Variants in AMPH observed in about 807,000 individuals in gnomAD.
AMPH encodes amphiphysin, also known as amphiphysin (Stiff-Mann syndrome with breast cancer 128kD autoantigen).
AMPH carries 49 observed loss-of-function variants against 99.1 expected under a neutral mutation model. The observed-to-expected ratio is 0.49, with a 90% CI of 0.39 to 0.63. The LOEUF is 0.63. Ranked by LOEUF, AMPH falls within the 20% of genes least tolerant of loss-of-function variation. The probability of loss-of-function intolerance (pLI) is 0.00; values close to 1 mark genes in which losing one functional copy is unlikely to be tolerated. For missense variants in AMPH, 759 were observed against 863.4 expected, an observed-to-expected ratio of 0.88 and a Z score of 1.52; for synonymous variants, 314 against 317.3, an observed-to-expected ratio of 0.99 and a Z score of 0.11.
intron 2 of AMPH, among the ~76,000 whole-genome samples, chr7:38,506,895 A>G (rs111661006): frequency 3.3e-5 from 5 of 152,318 alleles, no homozygotes; most frequent in African/African-American, 1.2e-4. Flanking sequence ...CCTTCCATGG[A>G]AATGTGTGAG....
rs556949775 is a variant in AMPH, at chr7:38,612,183, T to C, written c.69+19100A>G. Among the ~76,000 whole-genome samples, 3 of 148,606 alleles carry C rather than the reference T, an allele frequency of 2.0e-5. No individual in the cohort carries two copies. The East Asian group carries it at 5.9e-4, about 29-fold the overall frequency. On this transcript the variant is annotated intron_variant, in intron 1 of 20. Coordinates refer to ENST00000356264, the MANE Select transcript of AMPH (RefSeq NM_001635.4). ...CCTCCACCTCCCAGGTTCAAGTGAT[T>C]CTCCTGCCTCAGCCTCCCAAGTAGC...
Position 38,605,913 on chromosome 7 carries a change from G to A in AMPH, c.69+25370C>T, listed in dbSNP as rs147493593. Among the ~76,000 whole-genome samples the A allele has an allele frequency of 2.8e-3, 425 of 152,204 alleles. 2 individuals are homozygous for A. Among genetic ancestry groups the A allele is most frequent in the African/African-American group, 9.7e-3 (401 of 41,544 alleles). On this transcript the variant is annotated intron_variant, in intron 1 of 20. Transcript: ENST00000356264. ...TTTTGAGTGCTAGAAGTCTAAACTCGTAGGAAAGAAAGCCCCTCAGTGCGA... is the reference window on the plus strand; with the variant it reads ...TTTTGAGTGCTAGAAGTCTAAACTCATAGGAAAGAAAGCCCCTCAGTGCGA...
intron 17 of AMPH, among the ~76,000 whole-genome samples, chr7:38,404,496 G>A (rs555439064): frequency 1.3e-5 from 2 of 152,206 alleles, no homozygotes; most frequent in African/African-American, 4.8e-5. Flanking sequence ...GTTTGAGAAA[G>A]CCACCACACA....
intron 2 of AMPH, among the ~76,000 whole-genome samples, chr7:38,519,154 A>G (rs150439059): frequency 1.8e-3 from 268 of 152,348 alleles, no homozygotes; most frequent in African/African-American, 5.8e-3. Flanking sequence ...TGCTGGCACC[A>G]CATCCTTGGA....
chr7:38,427,420 C>T (rs192793988), intron 14 of AMPH, among the ~76,000 whole-genome samples: 23 of 152,232 alleles, frequency 1.5e-4, no homozygotes, highest in African/African-American at 5.3e-4. Context: ...TGAAACATTT[C>T]GTGTGTTCTT....
Position 38,409,566 on chromosome 7 carries a change from A to G in AMPH, c.1398+8259T>C, listed in dbSNP as rs546710004. On this transcript the variant is annotated intron_variant, in intron 17 of 20. Coordinates refer to ENST00000356264, the MANE Select transcript of AMPH (RefSeq NM_001635.4). Reference sequence around the variant, plus strand: ...GCTGGCACTTGATACCGCAAATTTCATTTGACACATTTATGCGCTTTTTTT... The same window carrying G: ...GCTGGCACTTGATACCGCAAATTTCGTTTGACACATTTATGCGCTTTTTTT... Among the ~76,000 whole-genome samples, 231 of 152,270 alleles carry G rather than the reference A, an allele frequency of 1.5e-3. 2 individuals carry two copies. The highest frequency in any genetic ancestry group is 5.3e-3 in the African/African-American group (222 of 41,548).
intron 11 of AMPH, among the ~76,000 whole-genome samples, chr7:38,457,331 T>C (rs775762109): frequency 2.1e-4 from 32 of 152,116 alleles, no homozygotes; most frequent in Non-Finnish European, 4.0e-4. Context: ...CATTTTAGGA[T>C]ATGAATGAAA....
intron 11 of AMPH, among the ~76,000 whole-genome samples, chr7:38,437,288 G>C (rs558825181): frequency 1.3e-5 from 2 of 152,126 alleles, no homozygotes; most frequent in East Asian, 3.9e-4. Flanking sequence ...GGGAGTTGGG[G>C]TCAGTTTTCA....
intron 5 of AMPH, among the ~76,000 whole-genome samples, chr7:38,489,744 C>A (rs182787951): frequency 2.0e-5 from 3 of 152,176 alleles, no homozygotes. Flanking sequence ...CAAAGACCTA[C>A]AAACAACCTC....
chr7:38,387,002 C>T (rs1784367632), intron 20 of AMPH, among the ~76,000 whole-genome samples: 1 of 152,102 alleles, frequency 6.6e-6, no homozygotes, highest in Admixed American at 6.5e-5. Context: ...GATGGGTATC[C>T]TAACGTATGT....
chr7:38,457,004 A>T (rs985913917), intron 11 of AMPH, among the ~76,000 whole-genome samples: 1 of 152,258 alleles, frequency 6.6e-6, no homozygotes, highest in Non-Finnish European at 1.5e-5. Flanking sequence ...TTACAGCCAA[A>T]TAAATTATAC....
chr7:38,611,892 A>G (rs1793692923), intron 1 of AMPH, among the ~76,000 whole-genome samples: 1 of 152,138 alleles, frequency 6.6e-6, no homozygotes, highest in Non-Finnish European at 1.5e-5. Context: ...GATTTTACTG[A>G]CAAGATAGCT....
intron 17 of AMPH, among the ~76,000 whole-genome samples, chr7:38,399,202 T>A (rs909017036): frequency 1.3e-5 from 2 of 152,226 alleles, no homozygotes; most frequent in Non-Finnish European, 2.9e-5. Flanking sequence ...CCATTAGTAA[T>A]GAATTCCCAT....
intron 6 of AMPH, 36 bp from the exon 7 acceptor site, chr7:38,475,452 A>C (rs767107340): frequency 1.1e-5 from 15 of 1,416,890 alleles, no homozygotes. Flanking sequence ...TACACTAAGA[A>C]AGACCATTTC....
rs551345194 is a variant in AMPH at position 38,608,370 on chromosome 7, T to G, written c.69+22913A>C. 3.9e-5 allele frequency among the ~76,000 whole-genome samples: 6 copies of G among 152,322 alleles called. No individual in the cohort carries two copies. In the South Asian group the frequency reaches 1.2e-3, roughly 32 times the overall value. On this transcript the variant is annotated intron_variant, in intron 1 of 20. Transcript: ENST00000356264. The stretch of plus-strand genomic sequence containing the variant: ...GTAAAACTGAAGGCAACGTGCTCTC[T>G]CTGCCAGTGAAGATTAACTTAGACA...
chr7:38,519,712 T>C (rs551800516), intron 2 of AMPH, among the ~76,000 whole-genome samples: 1 of 152,338 alleles, frequency 6.6e-6, no homozygotes, highest in Admixed American at 6.5e-5. Context: ...AACTTTGCTC[T>C]AGTCTCTGTA....
intron 1 of AMPH, among the ~76,000 whole-genome samples, chr7:38,587,231 G>A (rs548672577): frequency 2.4e-4 from 36 of 152,304 alleles, no homozygotes; most frequent in Non-Finnish European, 4.0e-4. Flanking sequence ...ACTGTTTACT[G>A]TACTTCAAAG....
rs1219804282 is a variant in AMPH at position 38,428,940 on chromosome 7, TC to T, written c.1182+901del. ...ATTAATTTTTAAGGTCTTATGGTCT[TC>T]CTTTCCTATGGTATTAAGAAGTTCT... On this transcript the variant is annotated intron_variant, in intron 14 of 20. Coordinates refer to ENST00000356264, the MANE Select transcript of AMPH (RefSeq NM_001635.4). The T allele has an allele frequency of 3.5e-6, 4 of 1,155,676 alleles. No homozygotes were observed. In the Admixed American group the frequency reaches 9.2e-5, roughly 27 times the overall value. The allele number at this position is 1,155,676 out of a possible 1,614,324, so 71.6% of individuals were successfully genotyped here.
intron 1 of AMPH, among the ~76,000 whole-genome samples, chr7:38,544,268 C>A (rs1790915940): frequency 6.6e-6 from 1 of 152,134 alleles, no homozygotes; most frequent in African/African-American, 2.4e-5. Flanking sequence ...GCAAGTTATA[C>A]AAAATGTATG....
Sources: gnomAD v4.1 joint callset for allele counts (sites outside exome capture counted in the v4.1 genomes callset) on GRCh38, gnomAD v4.1.1 for gene constraint, MANE v1.5 for transcripts, NCBI Gene and HGNC (gene_info 2026-07-23, HGNC 2026-07-21) for gene names.